Variants in SNX14 observed in about 807,000 individuals in gnomAD.
SNX14 encodes the protein sorting nexin 14.
SNX14 carries 93 observed loss-of-function variants against 133.8 expected under a neutral mutation model. The observed-to-expected ratio is 0.70, with a 90% CI of 0.59 to 0.83. The LOEUF is 0.83. SNX14 is among the 40% of genes least tolerant of loss of function. The pLI, the probability that SNX14 is intolerant of heterozygous loss-of-function variation, is 0.00. For synonymous variants in SNX14, 368 were observed against 365.6 expected (o/e 1.01, Z -0.07); for missense variants, 945 against 1,094.9 (o/e 0.86, Z 1.93).
At position 85,550,026 on chromosome 6, in the gene SNX14, C is replaced by T. The variant is rs540305015; in HGVS notation, c.635-147G>A. The T allele has an allele frequency of 2.4e-5, 15 of 618,550 alleles. No homozygotes were observed. In the East Asian group the frequency reaches 4.0e-4, roughly 16 times the overall value. 38.3% of individuals were successfully genotyped at this position (618,550 alleles called of 1,614,324 possible). A position where few individuals can be genotyped will look rare whatever the true frequency, so the allele number is the denominator to read the frequency against. On this transcript the variant is annotated intron_variant, in intron 7 of 28. Coordinates refer to ENST00000314673, the MANE Select transcript of SNX14 (RefSeq NM_153816.6). ...TTTTGTGAGGCCGAGGCAGGCAAAT[C>T]GCTTGAGGCCAGGAGTTCAAGACCA...
chr6:85,535,540 G>T (rs539130979), intron 17 of SNX14, among the ~76,000 whole-genome samples: 1 of 148,770 alleles, frequency 6.7e-6, no homozygotes, highest in South Asian at 2.1e-4. Flanking sequence ...GGGAGGCGGA[G>T]GTTGCAGTGA....
At chr6:85,534,129 G>A (rs1346575569) in intron 17 of SNX14, among the ~76,000 whole-genome samples, 2 of 152,184 alleles carry the variant, frequency 1.3e-5, no homozygotes, top group East Asian at 3.9e-4. Flanking sequence ...GAAACACAGA[G>A]CAAGTAGGCA....
In SNX14 at chr6:85,535,669, A is replaced by C. The variant is rs192445900; in HGVS notation, c.1608+1123T>G. Reference sequence around the variant, plus strand: ...AGGGAAAAAATAAAGGCATAAAAAAACGGCTTTATTTGAATTAATAAAAAA... The same window carrying C: ...AGGGAAAAAATAAAGGCATAAAAAACCGGCTTTATTTGAATTAATAAAAAA... On this transcript the variant is annotated intron_variant, in intron 17 of 28. Transcript: ENST00000314673. 3.7e-3 allele frequency among the ~76,000 whole-genome samples: 565 copies of C among 152,126 alleles called. 7 individuals carry two copies. Among genetic ancestry groups the C allele is most frequent in the Non-Finnish European group, 5.7e-3 (387 of 68,002 alleles).
At chr6:85,519,636 C>T (rs1000927525) in intron 21 of SNX14, among the ~76,000 whole-genome samples, 11 of 152,224 alleles carry the variant, frequency 7.2e-5, no homozygotes, top group African/African-American at 2.4e-4. Flanking sequence ...TTTGGGAGGC[C>T]GAGGCGGGCG....
rs1562281925 is a variant in SNX14 at position 85,543,267 on chromosome 6, G to C, written c.1304C>G (p.Thr435Ser). 1 of 1,596,314 alleles carries C rather than the reference G, an allele frequency of 6.3e-7. No homozygotes were observed. The highest frequency in any genetic ancestry group is 1.1e-5 in the South Asian group (1 of 87,098). ...ATATGCTTCAAAAAGACATCTCATA[G>C]TTTGAAGTTTCACAACATCTATGTA... is the stretch of plus-strand genomic sequence containing the variant. ...GPYIDVVKLQ[T>S]MRCLFEAYEH... The change falls in exon 14 of 29, where the codon ACT becomes AGT. Residue 435 changes from threonine (T) to serine (S), a missense_variant. Thr to Ser is a moderately conservative substitution (Grantham distance 58). Transcript: ENST00000314673.
intron 19 of SNX14, among the ~76,000 whole-genome samples, chr6:85,529,702 G>A (rs1779641459): frequency 6.6e-6 from 1 of 152,110 alleles, no homozygotes; most frequent in Non-Finnish European, 1.5e-5. Context: ...GCAGGGACAG[G>A]AACGTTCCTT....
intron 1 of SNX14, among the ~76,000 whole-genome samples, chr6:85,574,643 A>G (rs1796748787): frequency 6.6e-6 from 1 of 152,242 alleles, no homozygotes; most frequent in Admixed American, 6.5e-5. Context: ...TCTATACTAC[A>G]TTCTTCCAGA....
intron 26 of SNX14, among the ~76,000 whole-genome samples, chr6:85,511,557 A>G (rs1772828169): frequency 6.6e-6 from 1 of 152,210 alleles, no homozygotes; most frequent in African/African-American, 2.4e-5. Context: ...GATATTCTTT[A>G]TCAAGTTGAG....
intron 9 of SNX14, among the ~76,000 whole-genome samples, chr6:85,548,048 A>G (rs1397414212): frequency 6.6e-6 from 1 of 152,218 alleles, no homozygotes; most frequent in Non-Finnish European, 1.5e-5. Flanking sequence ...GAGTAGTCAA[A>G]TTCATGGAGA....
In SNX14 at chr6:85,552,610, A is replaced by G. The variant is rs1788222958; in HGVS notation, c.635-2731T>C. Among the ~76,000 whole-genome samples, 3 of 152,350 alleles carry G rather than the reference A, an allele frequency of 2.0e-5. No homozygotes were observed. In the South Asian group the frequency reaches 6.2e-4, roughly 32 times the overall value. Reference sequence around the variant, plus strand: ...AAATAATAACATAAACAATTGCCCCAAGTAAGCCAGAGTCACAAGATGTTT... The same window carrying G: ...AAATAATAACATAAACAATTGCCCCGAGTAAGCCAGAGTCACAAGATGTTT... On this transcript the variant is annotated intron_variant, in intron 7 of 28. Transcript: ENST00000314673.
At chr6:85,509,610 C>T (rs990138784) in intron 26 of SNX14, among the ~76,000 whole-genome samples, 3 of 152,136 alleles carry the variant, frequency 2.0e-5, no homozygotes, top group Non-Finnish European at 4.4e-5. Context: ...TCTTGTCTCC[C>T]CGACTATCAA....
In SNX14 at chr6:85,543,622, A is replaced by G. The variant is rs763473654; in HGVS notation, c.1247T>C (p.Val416Ala). 8.8e-6 allele frequency: 14 copies of G among 1,582,824 alleles called. No individual in the cohort carries two copies. The African/African-American group carries it at 1.9e-4, about 21-fold the overall frequency. ...TGACTTACTTCTTTGAATCTCTTCT[A>G]CAATGAAGGGATCAAATCTAATTTT... ...IDKIRFDPFI[V>A]EEIQRIAEGP... The change falls in exon 13 of 29, where the codon GTA (valine) becomes GCA (alanine). Residue 416 changes from valine (V) to alanine (A), a missense_variant. Val to Ala is a moderately conservative substitution (Grantham distance 64). Coordinates refer to ENST00000314673, the MANE Select transcript of SNX14 (RefSeq NM_153816.6).
rs1795889565 is a variant in SNX14 at position 85,572,302 on chromosome 6, G to C, written c.334C>G (p.His112Asp). Residue 112 changes from histidine to aspartate, a missense_variant, in exon 3 of 29, where the codon CAT (histidine) becomes GAT (aspartate). By Grantham distance (81) the His-to-Asp change is moderately conservative. Around this residue, in one of 3 missense-constraint regions of SNX14, gnomAD observed 514 missense variants for 538.8 expected, o/e 0.95. Coordinates refer to ENST00000314673, the MANE Select transcript of SNX14 (RefSeq NM_153816.6). ...AVCGKVKCKR[H>D]RPSLLLENYQ... ...ATAAAAAAATATTTAACTTACCTAT[G>C]TCGTTTACATTTCACTTTACCACAA... The C allele has an allele frequency of 6.2e-7, 1 of 1,613,024 alleles. No homozygotes were observed. The highest frequency in any genetic ancestry group is 1.3e-5 in the African/African-American group (1 of 74,872).
At chr6:85,584,442 A>G (rs138654161) in intron 1 of SNX14, among the ~76,000 whole-genome samples, 35 of 152,332 alleles carry the variant, frequency 2.3e-4, no homozygotes, top group African/African-American at 8.4e-4. Context: ...AAAAGAAACT[A>G]TCATCAGAGT....
intron 4 of SNX14, among the ~76,000 whole-genome samples, chr6:85,568,679 G>A (rs1482091250): frequency 3.3e-5 from 5 of 152,156 alleles, no homozygotes; most frequent in Non-Finnish European, 7.3e-5. Context: ...CTAATCTAAT[G>A]CTTCCAAAAT....
At chr6:85,525,460 T>A (rs1419627819) in intron 21 of SNX14, among the ~76,000 whole-genome samples, 1 of 152,144 alleles carries the variant, frequency 6.6e-6, no homozygotes, top group Non-Finnish European at 1.5e-5. Context: ...ATTTCCACAA[T>A]CTCATGTGTA....
chr6:85,562,256 T>C (rs770907386), intron 6 of SNX14, among the ~76,000 whole-genome samples: 7 of 152,188 alleles, frequency 4.6e-5, no homozygotes, highest in Non-Finnish European at 8.8e-5. Context: ...GGTATCTAGG[T>C]TGATTCCATG....
intron 6 of SNX14, among the ~76,000 whole-genome samples, chr6:85,560,665 A>G (rs893621487): frequency 6.6e-6 from 1 of 152,202 alleles, no homozygotes; most frequent in African/African-American, 2.4e-5. Context: ...ACTATTAACA[A>G]ACTACATACA....
chr6:85,537,349 GA>G (rs1013807784), intron 16 of SNX14, among the ~76,000 whole-genome samples: 1,583 of 146,408 alleles, frequency 0.011, 10 homozygotes, highest in Middle Eastern at 0.039. Flanking sequence ...TTATGCGACA[GA>G]AAAAAAAAAC....
Sources: allele counts gnomAD v4.1 joint callset (sites outside exome capture counted in the v4.1 genomes callset), GRCh38; gene constraint gnomAD v4.1.1; regional missense constraint gnomAD v4.1.1; transcripts MANE v1.5; gene names NCBI Gene and HGNC (gene_info 2026-07-23, HGNC 2026-07-21).